Variants in ANO10 observed in about 807,000 individuals in gnomAD.
The protein encoded by ANO10 is anoctamin-10.
A neutral mutation model predicts 74.7 loss-of-function variants in ANO10; 77 were observed. That is an observed-to-expected ratio of 1.03 (90% confidence interval 0.86 to 1.25). The LOEUF (loss-of-function observed/expected upper bound fraction) is 1.25, where lower values mean the gene tolerates loss of function less well. Ranked by LOEUF, ANO10 falls within the 50% of genes most tolerant of loss-of-function variation. ANO10 has a pLI of 0.00. For missense variants in ANO10, 721 were observed against 778.1 expected (o/e 0.93, Z 0.87); for synonymous variants, 279 against 284.9 (o/e 0.98, Z 0.21).
At chr3:43,582,511 G>T (rs1014581994) in intron 4 of ANO10, among the ~76,000 whole-genome samples, 1 of 152,086 alleles carries the variant, frequency 6.6e-6, no homozygotes, top group East Asian at 1.9e-4. Context: ...GTATTCTTAG[G>T]ACAGGTCCCC....
At chr3:43,432,507 T>G (rs375912928) in intron 12 of ANO10, 104 bp downstream of exon 12, 1 of 1,009,196 alleles carries the variant, frequency 9.9e-7, no homozygotes, top group East Asian at 2.4e-5. Flanking sequence ...TCATTTAAAC[T>G]GGTAACTTCA....
intron 11 of ANO10, among the ~76,000 whole-genome samples, chr3:43,466,058 T>C (rs923312857): frequency 6.6e-6 from 1 of 151,972 alleles, no homozygotes; most frequent in Admixed American, 6.6e-5. Flanking sequence ...ACTAACACTA[T>C]CTGACATGAA....
intron 1 of ANO10, among the ~76,000 whole-genome samples, chr3:43,689,138 C>T (rs891908499): frequency 1.3e-5 from 2 of 152,158 alleles, no homozygotes; most frequent in Admixed American, 1.3e-4. Context: ...ATGAGAAATT[C>T]ACCCCCAGAA....
chr3:43,384,851 C>G (rs1044457741), intron 12 of ANO10, among the ~76,000 whole-genome samples: 1 of 152,118 alleles, frequency 6.6e-6, no homozygotes, highest in African/African-American at 2.4e-5. Flanking sequence ...CTTCTAGACA[C>G]TAGCTTAGGC....
chr3:43,673,209 T>C (rs943425550), intron 1 of ANO10, among the ~76,000 whole-genome samples: 2 of 152,200 alleles, frequency 1.3e-5, no homozygotes, highest in Non-Finnish European at 2.9e-5. Flanking sequence ...TAGAACCAAG[T>C]ATTTATTGCT....
intron 9 of ANO10, among the ~76,000 whole-genome samples, chr3:43,559,722 G>T (rs1351060191): frequency 1.3e-5 from 2 of 152,098 alleles, no homozygotes; most frequent in African/African-American, 2.4e-5. Context: ...ATGTGGCCAA[G>T]AATACCACCC....
At chr3:43,663,887 C>T (rs2083955735) in intron 1 of ANO10, among the ~76,000 whole-genome samples, 1 of 152,106 alleles carries the variant, frequency 6.6e-6, no homozygotes, top group Non-Finnish European at 1.5e-5. Flanking sequence ...AGAGAGGACA[C>T]AAACAAATGG....
chr3:43,612,509 G>T (rs935592710), intron 1 of ANO10, among the ~76,000 whole-genome samples: 1 of 152,048 alleles, frequency 6.6e-6, no homozygotes, highest in African/African-American at 2.4e-5. Context: ...ACATACAAAT[G>T]GAGTCAGTCA....
chr3:43,654,228 T>A (rs80183222), intron 1 of ANO10, among the ~76,000 whole-genome samples: 4,093 of 152,252 alleles, frequency 0.027, 149 homozygotes, highest in Admixed American at 0.097. Flanking sequence ...CCTGCATGCT[T>A]CACAAAAAGA....
intron 11 of ANO10, among the ~76,000 whole-genome samples, chr3:43,532,480 C>A (rs532236733): frequency 6.6e-6 from 1 of 152,260 alleles, no homozygotes; most frequent in South Asian, 2.1e-4. Context: ...AACTGTTCAT[C>A]CAGTATAATA....
At chr3:43,667,561 A>G (rs928923363) in intron 1 of ANO10, among the ~76,000 whole-genome samples, 2 of 152,074 alleles carry the variant, frequency 1.3e-5, no homozygotes, top group African/African-American at 4.8e-5. Context: ...ACTGTACCCA[A>G]TATGTAGTCT....
At chr3:43,488,070 A>G (rs1322104470) in intron 11 of ANO10, among the ~76,000 whole-genome samples, 1 of 152,128 alleles carries the variant, frequency 6.6e-6, no homozygotes, top group Non-Finnish European at 1.5e-5. Flanking sequence ...CAATGGGGAA[A>G]GGATTCCCTA....
chr3:43,598,427 A>G (rs1365133894), intron 4 of ANO10, 105 bp downstream of exon 4: 3 of 1,112,088 alleles, frequency 2.7e-6, no homozygotes, highest in Non-Finnish European at 3.9e-6. Flanking sequence ...TAAAAATACA[A>G]GTTATTGTAA....
intron 12 of ANO10, among the ~76,000 whole-genome samples, chr3:43,381,458 T>C (rs1461844724): frequency 2.0e-5 from 3 of 151,816 alleles, no homozygotes; most frequent in Non-Finnish European, 4.4e-5. Context: ...CAACAACAGT[T>C]AAAAAGGACA....
intron 12 of ANO10, among the ~76,000 whole-genome samples, chr3:43,400,388 G>C (rs2148868031): frequency 6.6e-6 from 1 of 152,084 alleles, no homozygotes; most frequent in East Asian, 1.9e-4. Flanking sequence ...AAGCCAGCTG[G>C]CTACATAGAG....
intron 11 of ANO10, among the ~76,000 whole-genome samples, chr3:43,492,149 A>AT (rs1169095533): frequency 6.6e-6 from 1 of 152,232 alleles, no homozygotes; most frequent in Non-Finnish European, 1.5e-5. Flanking sequence ...ATCTACCACC[A>AT]TCTGATCTTT....
upstream of ANO10, among the ~76,000 whole-genome samples, chr3:43,624,043 T>C (rs2083471850): frequency 6.6e-6 from 1 of 152,224 alleles, no homozygotes; most frequent in Admixed American, 6.5e-5. Context: ...AATGGAAATA[T>C]AAAAGTCATT....
At chr3:43,578,749 CAAAAAAAAAAAAA>C (rs56186109) in intron 5 of ANO10, among the ~76,000 whole-genome samples, 31 of 64,442 alleles carry the variant, frequency 4.8e-4, no homozygotes, top group South Asian at 1.1e-3. Flanking sequence ...GACTCCATCT[CAAAAAAAAAAAAA>C]AAAAAAAAAA....
chr3:43,429,468 A>G (rs906261108), intron 12 of ANO10, among the ~76,000 whole-genome samples: 10 of 152,114 alleles, frequency 6.6e-5, no homozygotes, highest in African/African-American at 2.4e-4. Flanking sequence ...CTAGACCTGG[A>G]GTTAAGATAT....
Sources: gnomAD v4.1 joint callset for allele counts (sites outside exome capture counted in the v4.1 genomes callset) on GRCh38, gnomAD v4.1.1 for gene constraint, MANE v1.5 for transcripts, NCBI Gene and HGNC (gene_info 2026-07-23, HGNC 2026-07-21) for gene names.